MTUS1: variants seen among roughly 807,000 people sequenced by gnomAD.
MTUS1 encodes the protein microtubule-associated tumor suppressor 1.
Under a neutral mutation model 120.8 loss-of-function variants are expected in MTUS1, and 109 were observed. The observed-to-expected ratio is 0.90, with a 90% CI of 0.77 to 1.06. The LOEUF is 1.06. Among genes scored for constraint, MTUS1 ranks in the 50% least tolerant of loss-of-function variants. MTUS1 has a pLI of 0.00. For missense variants in MTUS1, 2,210 were observed against 1,486.3 expected (o/e 1.49, Z -8.01); for synonymous variants, 737 against 550.5 (o/e 1.34, Z -4.74).
chr8:17,796,909 C>A (rs1032894113), intron 1 of MTUS1, among the ~76,000 whole-genome samples: 3 of 152,110 alleles, frequency 2.0e-5, no homozygotes, highest in African/African-American at 7.2e-5. Flanking sequence ...GTCAGGAATT[C>A]GAGACCAAGT....
intron 2 of MTUS1, among the ~76,000 whole-genome samples, chr8:17,745,252 A>G (rs2047655346): frequency 6.6e-6 from 1 of 152,234 alleles, no homozygotes; most frequent in South Asian, 2.1e-4. Context: ...GGACCCTGGC[A>G]GATATCAAAA....
chr8:17,789,398 G>C (rs2051579742), intron 1 of MTUS1, among the ~76,000 whole-genome samples: 2 of 152,160 alleles, frequency 1.3e-5, no homozygotes, highest in Admixed American at 6.5e-5. Context: ...CAGACTGTTT[G>C]AGGGACGTGG....
chr8:17,750,021 TG>T (rs1404484008), intron 2 of MTUS1, among the ~76,000 whole-genome samples: 1 of 152,136 alleles, frequency 6.6e-6, no homozygotes, highest in Non-Finnish European at 1.5e-5. Context: ...GCCCAGTAAA[TG>T]GTGGAGCTAC....
chr8:17,767,793 C>T (rs957089405), intron 1 of MTUS1, among the ~76,000 whole-genome samples: 8 of 151,070 alleles, frequency 5.3e-5, no homozygotes, highest in East Asian at 1.9e-4. Context: ...AAAGAGCCAA[C>T]GGTTTGGTCA....
At chr8:17,665,862 C>G (rs1810787836) in intron 8 of MTUS1, among the ~76,000 whole-genome samples, 2 of 152,128 alleles carry the variant, frequency 1.3e-5, no homozygotes, top group Admixed American at 6.6e-5. Context: ...ACCTTTCCCC[C>G]CCTATACTGG....
At chr8:17,648,556 T>C (rs1319796946) in intron 13 of MTUS1, among the ~76,000 whole-genome samples, 1 of 152,198 alleles carries the variant, frequency 6.6e-6, no homozygotes, top group African/African-American at 2.4e-5. Flanking sequence ...GGAACTGGTA[T>C]GTATACTAGG....
chr8:17,666,852 G>C (rs1371081166), intron 8 of MTUS1, among the ~76,000 whole-genome samples: 1 of 151,938 alleles, frequency 6.6e-6, no homozygotes, highest in Non-Finnish European at 1.5e-5. Flanking sequence ...TAGGATGATG[G>C]GTATAGGAGA....
At chr8:17,674,921 G>A (rs977971027) in intron 8 of MTUS1, 7 of 1,251,254 alleles carry the variant, frequency 5.6e-6, no homozygotes, top group Non-Finnish European at 1.0e-6. Context: ...AAATAACTCT[G>A]TCCCTCTCTT....
chr8:17,645,488 C>T lies in MTUS1; in HGVS notation c.*438G>A, dbSNP rs1805595771. The T allele has an allele frequency of 6.0e-6, 1 of 165,456 alleles. No individual in the cohort carries two copies. Among genetic ancestry groups the T allele is most frequent in the Admixed American group, 6.1e-5 (1 of 16,382 alleles). The allele number at this position is 165,456 out of a possible 1,614,324, so 10.2% of individuals were successfully genotyped here. On this transcript the variant is annotated 3_prime_UTR_variant, in exon 15 of 15. Coordinates refer to ENST00000693296, the MANE Select transcript of MTUS1 (RefSeq NM_001363059.2). Reference sequence around the variant, plus strand: ...AGGAGGCTGCATCAGACACATGACACTCTGTGACATCCATTTCATTCACAC... The same window carrying T: ...AGGAGGCTGCATCAGACACATGACATTCTGTGACATCCATTTCATTCACAC...
chr8:17,765,399 C>G (rs138443942), intron 1 of MTUS1, among the ~76,000 whole-genome samples: 1 of 152,056 alleles, frequency 6.6e-6, no homozygotes, highest in Non-Finnish European at 1.5e-5. Context: ...GAGGCCGAGG[C>G]AGGCAGATAA....
chr8:17,734,046 A>G (rs2046771919), intron 3 of MTUS1, among the ~76,000 whole-genome samples: 1 of 152,220 alleles, frequency 6.6e-6, no homozygotes, highest in South Asian at 2.1e-4. Context: ...ACCCTCTTCC[A>G]AAATCCTACA....
intron 1 of MTUS1, among the ~76,000 whole-genome samples, chr8:17,767,738 G>A (rs1337980501): frequency 8.8e-5 from 11 of 124,734 alleles, no homozygotes; most frequent in Admixed American, 2.5e-4. Context: ...AGAGACTGAA[G>A]TGCAGCAAGA....
rs1185513026 is a variant in MTUS1, at chr8:17,755,181, T to C, written c.627A>G (p.Thr209=). ...CATGCGTCTTATCAGAATGGGAAGA[T>C]GTCCAAGTGGAATAGGATAAAGAAG... ...STSSLSYSTW[T]SSHSDKTHAR... Residue 209 remains threonine, a synonymous_variant, in exon 2 of 15, where the codon ACA becomes ACG. Transcript: ENST00000693296. The C allele has an allele frequency of 1.2e-6, 2 of 1,614,210 alleles. No homozygotes were observed. Among genetic ancestry groups the C allele is most frequent in the African/African-American group, 1.3e-5 (1 of 75,068 alleles).
chr8:17,687,158 A>T (rs1815991440), intron 6 of MTUS1, among the ~76,000 whole-genome samples: 1 of 152,158 alleles, frequency 6.6e-6, no homozygotes, highest in African/African-American at 2.4e-5. Flanking sequence ...AAATGAGAGC[A>T]AATGAGCCAA....
At chr8:17,694,552 C>T (rs1045087658) in intron 6 of MTUS1, among the ~76,000 whole-genome samples, 1 of 151,966 alleles carries the variant, frequency 6.6e-6, no homozygotes, top group African/African-American at 2.4e-5. Flanking sequence ...CCTGTAATCC[C>T]AGCTACTCGG....
At chr8:17,771,285 G>A (rs1000658950) in intron 1 of MTUS1, among the ~76,000 whole-genome samples, 1 of 152,146 alleles carries the variant, frequency 6.6e-6, no homozygotes, top group Non-Finnish European at 1.5e-5. Context: ...ATGAGGAAGG[G>A]GAGGCAGGGG....
intron 1 of MTUS1, among the ~76,000 whole-genome samples, chr8:17,783,178 C>T (rs2051025601): frequency 6.6e-6 from 1 of 152,226 alleles, no homozygotes; most frequent in Non-Finnish European, 1.5e-5. Flanking sequence ...CTCTGAGCTA[C>T]AGCTCCAAGA....
intron 1 of MTUS1, among the ~76,000 whole-genome samples, chr8:17,778,535 G>C (rs2050628380): frequency 6.6e-6 from 1 of 152,206 alleles, no homozygotes; most frequent in Admixed American, 6.5e-5. Flanking sequence ...TTAAAGAGGA[G>C]GGCAGGTGTG....
At chr8:17,742,274 T>G (rs2047376679) in intron 3 of MTUS1, among the ~76,000 whole-genome samples, 1 of 123,392 alleles carries the variant, frequency 8.1e-6, no homozygotes, top group Admixed American at 8.2e-5. Context: ...CAGCTGTTTT[T>G]TTTTTTTGTT....
Sources: allele counts gnomAD v4.1 joint callset (sites outside exome capture counted in the v4.1 genomes callset), GRCh38; gene constraint gnomAD v4.1.1; transcripts MANE v1.5; gene names NCBI Gene and HGNC (gene_info 2026-07-23, HGNC 2026-07-21).